The following SCAI variants were observed in gnomAD, a reference collection of about 807,000 sequenced individuals.
SCAI encodes the protein suppressor of cancer cell invasion, also known as protein SCAI.
A neutral mutation model predicts 92.2 loss-of-function variants in SCAI; 24 were observed. The observed-to-expected ratio is 0.26, with a 90% CI of 0.19 to 0.37. The LOEUF (loss-of-function observed/expected upper bound fraction) is 0.37. SCAI is among the 10% of genes least tolerant of loss of function. SCAI has a pLI of 1.00. For missense variants in SCAI, 450 were observed against 736.2 expected, an observed-to-expected ratio of 0.61 and a Z score of 4.50; for synonymous variants, 261 against 258.6, an observed-to-expected ratio of 1.01 and a Z score of -0.09.
rs764755427 is a variant in SCAI, at chr9:125,019,120, G to T, written c.695C>A (p.Ala232Glu). The change falls in exon 8 of 18, where the codon GCA becomes GAA. Residue 232 changes from alanine to glutamate, a missense_variant. Coordinates refer to ENST00000336505, the MANE Select transcript of SCAI (RefSeq NM_001144877.3). Reference protein sequence around the residue: ...VEWNLVLQEVAAFIEADPVMV... With the variant: ...VEWNLVLQEVEAFIEADPVMV... ...TCAAAAACTGACCTCAATGAAAGCT[G>T]CTACTTCTTGAAGCACCAAGTTCCA... 1 of 1,600,980 alleles carries T rather than the reference G, an allele frequency of 6.2e-7. No homozygotes were observed. The highest frequency in any genetic ancestry group is 8.5e-7 in the Non-Finnish European group (1 of 1,172,872).
chr9:124,977,001 T>C (rs1277472585), intron 14 of SCAI, among the ~76,000 whole-genome samples: 1 of 151,950 alleles, frequency 6.6e-6, no homozygotes, highest in African/African-American at 2.4e-5. Flanking sequence ...CCCCAGTAGC[T>C]AGGACTACAG....
intron 14 of SCAI, 69 bp downstream of exon 14, chr9:124,994,865 C>G (rs1832205566): frequency 2.2e-6 from 2 of 917,924 alleles, no homozygotes; most frequent in Admixed American, 2.1e-5. Context: ...AAAAGGCACA[C>G]ATTAAGAGTG....
rs563029162 is a variant in SCAI at position 124,962,141 on chromosome 9, AAT to A, written c.1675-9190_1675-9189del. Among the ~76,000 whole-genome samples, 160 of 143,536 alleles carry A rather than the reference AAT, an allele frequency of 1.1e-3. 3 individuals carry two copies. The highest frequency in any genetic ancestry group is 3.8e-3 in the African/African-American group (148 of 38,536). 94.2% of individuals were successfully genotyped at this position (143,536 alleles called of 152,430 possible). On this transcript the variant is annotated intron_variant, in intron 17 of 17. Coordinates refer to ENST00000336505, the MANE Select transcript of SCAI (RefSeq NM_001144877.3). ...ATGAGTTTGCTTTTTCTCAAATCAT[AAT>A]ATATGTCTTTTTTTTTTTTTTTTTT...
At chr9:125,063,880 A>G (rs1833826847) in intron 2 of SCAI, among the ~76,000 whole-genome samples, 1 of 151,938 alleles carries the variant, frequency 6.6e-6, no homozygotes, top group African/African-American at 2.4e-5. Flanking sequence ...CAGCCTCCCA[A>G]GTAGCTGGGA....
intron 14 of SCAI, among the ~76,000 whole-genome samples, chr9:124,981,593 T>C (rs1303690394): frequency 1.3e-5 from 2 of 152,202 alleles, no homozygotes; most frequent in Admixed American, 6.6e-5. Flanking sequence ...TTTTACTAAA[T>C]GACTGTTACG....
At chr9:125,047,210 G>T (rs1390275572) in intron 3 of SCAI, among the ~76,000 whole-genome samples, 1 of 152,090 alleles carries the variant, frequency 6.6e-6, no homozygotes, top group Non-Finnish European at 1.5e-5. Flanking sequence ...TACAATATGA[G>T]TTGCGTCCTT....
At chr9:125,014,418 A>G (rs1248744229) in intron 9 of SCAI, among the ~76,000 whole-genome samples, 1 of 152,274 alleles carries the variant, frequency 6.6e-6, no homozygotes. Flanking sequence ...TCATGAGTGA[A>G]CTCCCATTCA....
intron 14 of SCAI, among the ~76,000 whole-genome samples, chr9:124,991,706 G>T (rs531039857): frequency 2.6e-5 from 4 of 151,102 alleles, no homozygotes; most frequent in African/African-American, 9.7e-5. Flanking sequence ...GTGTGGTGGC[G>T]TGTGCCTCTA....
At chr9:124,984,259 G>C (rs1347281617) in intron 14 of SCAI, among the ~76,000 whole-genome samples, 1 of 152,182 alleles carries the variant, frequency 6.6e-6, no homozygotes, top group Non-Finnish European at 1.5e-5. Context: ...TCAGGGGCCA[G>C]GGAAGAGAGA....
intron 17 of SCAI, among the ~76,000 whole-genome samples, chr9:124,955,492 G>A (rs1037423616): frequency 6.6e-6 from 1 of 151,700 alleles, no homozygotes; most frequent in Non-Finnish European, 1.5e-5. Context: ...ATGGTGGCGG[G>A]TGCCTGTAAT....
At position 125,029,744 on chromosome 9, in the gene SCAI, A is replaced by G; in HGVS notation, c.231-5T>C. The G allele has an allele frequency of 1.3e-6, 2 of 1,552,854 alleles. No individual in the cohort carries two copies. The highest frequency in any genetic ancestry group is 8.9e-7 in the Non-Finnish European group (1 of 1,127,734). ...TGTCCATATTGTGGCAAATCTCTGT[A>G]ATAGTAAATGAGTATGTATTAATAT... On this transcript the variant is annotated splice_polypyrimidine_tract_variant and splice_region_variant and intron_variant, in intron 3 of 17. Transcript: ENST00000336505.
intron 2 of SCAI, among the ~76,000 whole-genome samples, chr9:125,128,297 C>G (rs1259806734): frequency 6.6e-6 from 1 of 152,166 alleles, no homozygotes; most frequent in Non-Finnish European, 1.5e-5. Flanking sequence ...GCCTGGGCAA[C>G]AGAGCAAGAC....
intron 11 of SCAI, 109 bp from the exon 12 acceptor site, chr9:125,002,152 G>C (rs1165364495): frequency 5.3e-6 from 4 of 759,472 alleles, no homozygotes; most frequent in Non-Finnish European, 6.8e-6. Context: ...AGAATGCACT[G>C]TTGTCTTTTC....
chr9:125,122,523 A>G (rs1240878773), intron 2 of SCAI, among the ~76,000 whole-genome samples: 1 of 137,120 alleles, frequency 7.3e-6, no homozygotes, highest in Non-Finnish European at 1.5e-5. Flanking sequence ...CAGGAGGCAG[A>G]GGTTGCAGTG....
intron 2 of SCAI, among the ~76,000 whole-genome samples, chr9:125,073,092 ATTTTTTTTTTTTTT>A (rs764858681): frequency 2.8e-5 from 2 of 72,448 alleles, no homozygotes; most frequent in Non-Finnish European, 5.4e-5. Context: ...TCTATTTTTA[ATTTTTTTTTTTTTT>A]TTTTTTTTTT....
At position 124,948,998 on chromosome 9, in the gene SCAI, T is replaced by C. The variant is rs1049107325; in HGVS notation, c.*3809A>G. The C allele has an allele frequency of 6.6e-6, 1 of 152,392 alleles. No homozygotes were observed. Among genetic ancestry groups the C allele is most frequent in the Admixed American group, 6.5e-5 (1 of 15,310 alleles). 9.4% of individuals were successfully genotyped at this position (152,392 alleles called of 1,614,324 possible). A position where few individuals can be genotyped will look rare whatever the true frequency, so the allele number is the denominator to read the frequency against. Reference sequence around the variant, plus strand: ...CAAGCCCATTGGGCAACTGTCCTTTTAGATAATTCTTCTCCCTTGATTAAA... The same window carrying C: ...CAAGCCCATTGGGCAACTGTCCTTTCAGATAATTCTTCTCCCTTGATTAAA... On this transcript the variant is annotated 3_prime_UTR_variant, in exon 18 of 18. Transcript: ENST00000336505.
chr9:124,974,294 A>T (rs1831714602), intron 15 of SCAI: 1 of 440,204 alleles, frequency 2.3e-6, no homozygotes, highest in African/African-American at 2.0e-5. Flanking sequence ...AAAAAAATAC[A>T]AAAATTAGCT....
intron 2 of SCAI, among the ~76,000 whole-genome samples, chr9:125,124,797 C>T (rs1255023872): frequency 6.6e-6 from 1 of 152,154 alleles, no homozygotes; most frequent in African/African-American, 2.4e-5. Flanking sequence ...GCCCACTCTT[C>T]CCAAAAAGCC....
In SCAI at chr9:125,122,318, C is replaced by T. The variant is rs1036784404; in HGVS notation, c.98+20315G>A. On this transcript the variant is annotated intron_variant, in intron 2 of 17. Transcript: ENST00000336505. ...TTTAAAACTGGTTGTGGGCCAGGCA[C>T]GGTGGCTCATGCCTATGATCCCAGC... 3.3e-5 allele frequency among the ~76,000 whole-genome samples: 5 copies of T among 152,058 alleles called. No homozygotes were observed. The South Asian group carries it at 6.2e-4, about 19-fold the overall frequency.
Sources: allele counts gnomAD v4.1 joint callset (sites outside exome capture counted in the v4.1 genomes callset), GRCh38; gene constraint gnomAD v4.1.1; transcripts MANE v1.5; gene names NCBI Gene and HGNC (gene_info 2026-07-23, HGNC 2026-07-21).